PATJ: variants seen among roughly 807,000 people sequenced by gnomAD.
The protein encoded by PATJ is inaD-like protein.
PATJ carries 190 observed loss-of-function variants against 224.9 expected under a neutral mutation model. That is an observed-to-expected ratio of 0.84 (90% CI 0.75 to 0.95). PATJ has a LOEUF of 0.95. Among genes scored for constraint, PATJ ranks in the 40% least tolerant of loss-of-function variants. PATJ has a pLI of 0.00. For synonymous variants in PATJ, 769 were observed against 820.3 expected (o/e 0.94, Z 1.07); for missense variants, 2,121 against 2,270.3 (o/e 0.93, Z 1.34).
chr1:61,975,271 GT>G (rs1396944547), intron 27 of PATJ, among the ~76,000 whole-genome samples: 1 of 151,972 alleles, frequency 6.6e-6, no homozygotes, highest in East Asian at 1.9e-4. Flanking sequence ...ATTCTTAAGA[GT>G]TTAGGTACTG....
intron 28 of PATJ, among the ~76,000 whole-genome samples, chr1:62,010,472 T>C (rs997956558): frequency 5.5e-5 from 8 of 144,550 alleles, no homozygotes; most frequent in Non-Finnish European, 9.0e-5. Context: ...TAATCACCAG[T>C]CTACTCTCTG....
At chr1:61,954,316 A>G (rs947576069) in intron 27 of PATJ, among the ~76,000 whole-genome samples, 5 of 152,188 alleles carry the variant, frequency 3.3e-5, no homozygotes, top group African/African-American at 7.2e-5. Flanking sequence ...GGCATATTTT[A>G]CAAAAAGTAA....
chr1:61,966,681 C>G (rs1196795512), intron 27 of PATJ, among the ~76,000 whole-genome samples: 1 of 114,310 alleles, frequency 8.7e-6, no homozygotes, highest in African/African-American at 3.4e-5. Flanking sequence ...AGCGAGACTT[C>G]ATCTCAAAAA....
intron 7 of PATJ, among the ~76,000 whole-genome samples, chr1:61,781,007 A>G (rs542372452): frequency 4.6e-5 from 7 of 152,160 alleles, no homozygotes; most frequent in African/African-American, 1.4e-4. Context: ...CTTAATGTAC[A>G]TTATTCTCAT....
intron 33 of PATJ, among the ~76,000 whole-genome samples, chr1:62,094,558 AACACACAC>A (rs58104906): frequency 0.022 from 2,876 of 132,482 alleles, 84 homozygotes; most frequent in African/African-American, 0.065. Flanking sequence ...ATTCTGTCTC[AACACACAC>A]ACACACACAC....
At chr1:61,991,413 C>A in intron 28 of PATJ, 1 of 739,998 alleles carries the variant, frequency 1.4e-6, no homozygotes, top group Non-Finnish European at 1.6e-6. Flanking sequence ...ATCATGGAGA[C>A]ACTGAGTGTT....
intron 21 of PATJ, among the ~76,000 whole-genome samples, chr1:61,875,999 A>G (rs1033212525): frequency 6.6e-6 from 1 of 152,184 alleles, no homozygotes; most frequent in African/African-American, 2.4e-5. Context: ...AAATGCTTTC[A>G]TAGCACTGGG....
intron 8 of PATJ, 136 bp downstream of exon 8, chr1:61,788,108 T>C (rs1260917242): frequency 5.3e-6 from 3 of 570,734 alleles, no homozygotes; most frequent in Non-Finnish European, 9.1e-6. Context: ...AAAAAAAAAC[T>C]TATTGGGAGA....
intron 31 of PATJ, among the ~76,000 whole-genome samples, chr1:62,077,434 A>T (rs948847977): frequency 2.6e-5 from 4 of 152,140 alleles, no homozygotes; most frequent in African/African-American, 9.7e-5. Context: ...CATGCCTGTA[A>T]TCCCAGCACT....
intron 1 of PATJ, among the ~76,000 whole-genome samples, chr1:61,746,970 AT>A (rs1373349117): frequency 1.3e-5 from 2 of 152,192 alleles, no homozygotes; most frequent in Non-Finnish European, 2.9e-5. Flanking sequence ...TTACAATTGC[AT>A]TTTTACTTAA....
intron 1 of PATJ, among the ~76,000 whole-genome samples, chr1:61,751,948 GATT>G (rs1423678485): frequency 3.3e-5 from 5 of 152,082 alleles, no homozygotes; most frequent in Admixed American, 6.6e-5. Context: ...AGACCAGTCT[GATT>G]AACATGGAAA....
chr1:61,876,146 G>C (rs1236803963), intron 21 of PATJ, among the ~76,000 whole-genome samples: 1 of 152,016 alleles, frequency 6.6e-6, no homozygotes, highest in Non-Finnish European at 1.5e-5. Context: ...TTTTATATGA[G>C]ATTAGGATTC....
intron 43 of PATJ, among the ~76,000 whole-genome samples, chr1:62,158,661 C>T (rs1248397602): frequency 1.4e-5 from 2 of 140,780 alleles, no homozygotes; most frequent in African/African-American, 5.2e-5. Context: ...GCAGAGCTTG[C>T]AGTGAGCCGA....
At chr1:62,139,231 T>C (rs1460105106) in intron 41 of PATJ, among the ~76,000 whole-genome samples, 1 of 151,714 alleles carries the variant, frequency 6.6e-6, no homozygotes, top group South Asian at 2.1e-4. Flanking sequence ...TGAAACCCCG[T>C]CTCTACCAAA....
At chr1:61,792,091 T>C (rs1047007482) in intron 9 of PATJ, among the ~76,000 whole-genome samples, 2 of 152,164 alleles carry the variant, frequency 1.3e-5, no homozygotes, top group African/African-American at 4.8e-5. Flanking sequence ...AATGTTCAAT[T>C]TTTTTTAAGA....
At chr1:61,883,774 A>G (rs1668419617) in intron 21 of PATJ, among the ~76,000 whole-genome samples, 1 of 150,650 alleles carries the variant, frequency 6.6e-6, no homozygotes, top group Non-Finnish European at 1.5e-5. Context: ...AAAAAAAAAA[A>G]AAGAATGTAA....
At chr1:61,744,928 T>C (rs983910344) in intron 1 of PATJ, among the ~76,000 whole-genome samples, 2 of 152,170 alleles carry the variant, frequency 1.3e-5, no homozygotes, top group Non-Finnish European at 2.9e-5. Flanking sequence ...AAAACACTTA[T>C]TTAGGTTTAT....
chr1:61,771,733 T>G (rs568906466), intron 6 of PATJ, 107 bp downstream of exon 6: 11 of 880,038 alleles, frequency 1.2e-5, no homozygotes, highest in African/African-American at 1.2e-4. Flanking sequence ...CCTTTTTTTT[T>G]TTTGAGATGG....
intron 27 of PATJ, among the ~76,000 whole-genome samples, chr1:61,964,976 G>A (rs764693175): frequency 7.9e-5 from 12 of 151,468 alleles, no homozygotes; most frequent in Non-Finnish European, 1.2e-4. Flanking sequence ...GCCGGGCGTG[G>A]TGGTGTGTGC....
Sources: gnomAD v4.1 joint callset for allele counts (sites outside exome capture counted in the v4.1 genomes callset) on GRCh38, gnomAD v4.1.1 for gene constraint, MANE v1.5 for transcripts, NCBI Gene and HGNC (gene_info 2026-07-23, HGNC 2026-07-21) for gene names.